MAML3: variants seen among roughly 807,000 people sequenced by gnomAD.
The protein encoded by MAML3 is mastermind like transcriptional coactivator 3.
MAML3 carries 27 observed loss-of-function variants against 101.9 expected under a neutral mutation model. The observed-to-expected ratio is 0.27, with a 90% CI of 0.20 to 0.37. The LOEUF (loss-of-function observed/expected upper bound fraction) is 0.37, where lower values mean the gene tolerates loss of function less well. Among genes scored for constraint, MAML3 ranks in the 10% least tolerant of loss-of-function variants. The pLI, the probability that MAML3 is intolerant of heterozygous loss-of-function variation, is 1.00. For missense variants in MAML3, 1,316 were observed against 1,444.9 expected (o/e 0.91, Z 1.45); for synonymous variants, 501 against 555.9 (o/e 0.90, Z 1.39).
chr4:139,757,758 C>G (rs181288081), intron 2 of MAML3, among the ~76,000 whole-genome samples: 1 of 152,148 alleles, frequency 6.6e-6, no homozygotes, highest in African/African-American at 2.4e-5. Context: ...ACCTCTGATC[C>G]TACCAGACTA....
At chr4:139,883,577 G>T (rs889087840) in intron 2 of MAML3, among the ~76,000 whole-genome samples, 2 of 152,156 alleles carry the variant, frequency 1.3e-5, no homozygotes, top group Admixed American at 6.5e-5. Context: ...GTGTATGTTT[G>T]TCAGGAGGTA....
At chr4:139,914,313 A>G (rs1345266459) in intron 1 of MAML3, among the ~76,000 whole-genome samples, 1 of 152,202 alleles carries the variant, frequency 6.6e-6, no homozygotes, top group East Asian at 1.9e-4. Context: ...CATCATTTAT[A>G]CACTAGGACC....
intron 1 of MAML3, among the ~76,000 whole-genome samples, chr4:140,152,436 G>C (rs1729190000): frequency 6.6e-6 from 1 of 152,172 alleles, no homozygotes; most frequent in African/African-American, 2.4e-5. Flanking sequence ...GGGCGTAGGG[G>C]GACGGGTCTG....
intron 1 of MAML3, among the ~76,000 whole-genome samples, chr4:140,143,488 C>T (rs909425503): frequency 1.2e-4 from 19 of 152,272 alleles, no homozygotes; most frequent in African/African-American, 4.3e-4. Flanking sequence ...ACTGGCCAGG[C>T]GCGGTGGCTC....
chr4:140,116,682 C>A (rs891523906), intron 1 of MAML3, among the ~76,000 whole-genome samples: 1 of 152,210 alleles, frequency 6.6e-6, no homozygotes, highest in African/African-American at 2.4e-5. Flanking sequence ...CTGGTGTATA[C>A]CCTACAGGGC....
intron 2 of MAML3, among the ~76,000 whole-genome samples, chr4:139,839,405 C>T (rs1289111508): frequency 6.6e-6 from 1 of 152,008 alleles, no homozygotes; most frequent in African/African-American, 2.4e-5. Flanking sequence ...CACACCTTCT[C>T]AAATACAAAT....
chr4:139,966,940 A>G (rs1734143665), intron 1 of MAML3, among the ~76,000 whole-genome samples: 1 of 152,228 alleles, frequency 6.6e-6, no homozygotes, highest in African/African-American at 2.4e-5. Flanking sequence ...AAAAAGAGAC[A>G]TGAAGAATAA....
At chr4:140,108,495 G>A (rs777415318) in intron 1 of MAML3, among the ~76,000 whole-genome samples, 1 of 151,082 alleles carries the variant, frequency 6.6e-6, no homozygotes, top group African/African-American at 2.4e-5. Flanking sequence ...TTTGAATCTT[G>A]GTTTTGTCAA....
In MAML3 at chr4:140,153,951, C is replaced by A; in HGVS notation, c.-624G>T. 1 of 153,454 alleles carries A rather than the reference C, an allele frequency of 6.5e-6. No homozygotes were observed. The highest frequency in any genetic ancestry group is 1.9e-4 in the South Asian group (1 of 5,204). 9.5% of individuals were successfully genotyped at this position (153,454 alleles called of 1,614,324 possible). On this transcript the variant is annotated 5_prime_UTR_variant, in exon 1 of 5. Coordinates refer to ENST00000509479, the MANE Select transcript of MAML3 (RefSeq NM_018717.5). ...CACAGGAACCTAGATATCGAATCCT[C>A]GGGCTGGGGGAAGTAAACACATGGA...
At chr4:140,135,157 C>CACAT (rs1193437054) in intron 1 of MAML3, among the ~76,000 whole-genome samples, 1 of 152,206 alleles carries the variant, frequency 6.6e-6, no homozygotes, top group Non-Finnish European at 1.5e-5. Context: ...TATGCACATA[C>CACAT]ACATGCTGGC....
intron 1 of MAML3, among the ~76,000 whole-genome samples, chr4:140,147,866 C>G (rs982403248): frequency 1.3e-5 from 2 of 152,100 alleles, no homozygotes; most frequent in African/African-American, 4.8e-5. Flanking sequence ...GGTTCTTACA[C>G]TGGATCCCTT....
intron 2 of MAML3, among the ~76,000 whole-genome samples, chr4:139,802,971 G>A (rs1424206123): frequency 1.3e-5 from 2 of 152,188 alleles, no homozygotes; most frequent in Non-Finnish European, 2.9e-5. Context: ...AGTGTTAAGT[G>A]ATTACATATT....
chr4:139,784,760 T>C (rs1263832052), intron 2 of MAML3, among the ~76,000 whole-genome samples: 1 of 152,210 alleles, frequency 6.6e-6, no homozygotes, highest in African/African-American at 2.4e-5. Flanking sequence ...CGCTACGCCT[T>C]GGCCAAGTCT....
intron 2 of MAML3, among the ~76,000 whole-genome samples, chr4:139,833,981 G>A (rs916494115): frequency 2.6e-5 from 4 of 152,174 alleles, no homozygotes; most frequent in African/African-American, 9.7e-5. Context: ...ACCAGTGAAA[G>A]AAGGGGAAAA....
rs767253042 is a variant in MAML3, at chr4:139,719,297, G to A, written c.*26C>T. The A allele has an allele frequency of 3.9e-6, 6 of 1,539,520 alleles. No homozygotes were observed. In the East Asian group the frequency reaches 1.4e-4, roughly 35 times the overall value. On this transcript the variant is annotated 3_prime_UTR_variant, in exon 5 of 5. Transcript: ENST00000509479. ...CACTTTTTAAGCTTTAACCACTCGAGTTGTGGATCTTGGGGCCTCTCTTGA... is the reference window on the plus strand; with the variant it reads ...CACTTTTTAAGCTTTAACCACTCGAATTGTGGATCTTGGGGCCTCTCTTGA...
chr4:139,808,534 G>T (rs1259555112), intron 2 of MAML3, among the ~76,000 whole-genome samples: 1 of 152,218 alleles, frequency 6.6e-6, no homozygotes, highest in Non-Finnish European at 1.5e-5. Context: ...CAGGATGGGG[G>T]ATTTTTATGA....
intron 1 of MAML3, 21 bp downstream of exon 1, chr4:140,152,839 C>A: frequency 1.2e-6 from 2 of 1,600,820 alleles, no homozygotes; most frequent in Non-Finnish European, 8.5e-7. Context: ...CGCCGCAAGC[C>A]CGCTGCCCGT....
At chr4:140,142,597 C>T (rs1041191176) in intron 1 of MAML3, among the ~76,000 whole-genome samples, 4 of 152,074 alleles carry the variant, frequency 2.6e-5, no homozygotes, top group African/African-American at 9.7e-5. Context: ...TCTATTAAAC[C>T]ACAACCTGGA....
chr4:140,128,541 C>G (rs1728722692), intron 1 of MAML3, among the ~76,000 whole-genome samples: 1 of 152,136 alleles, frequency 6.6e-6, no homozygotes, highest in African/African-American at 2.4e-5. Flanking sequence ...GCAATGGGAT[C>G]TTTGCAGCAG....
Sources: gnomAD v4.1 joint callset for allele counts (sites outside exome capture counted in the v4.1 genomes callset) on GRCh38, gnomAD v4.1.1 for gene constraint, MANE v1.5 for transcripts, NCBI Gene and HGNC (gene_info 2026-07-23, HGNC 2026-07-21) for gene names.